LEMD2: variants seen among roughly 807,000 people sequenced by gnomAD.
LEMD2 encodes the protein LEM domain-containing protein 2.
LEMD2 carries 34 observed loss-of-function variants against 58.8 expected under a neutral mutation model. The ratio of observed to expected loss-of-function variants is 0.58; its 90% CI spans 0.44 to 0.77. LEMD2 has a LOEUF of 0.77. Ranked by LOEUF, LEMD2 falls within the 30% of genes least tolerant of loss-of-function variation. LEMD2 has a pLI of 0.00. For missense variants in LEMD2, 629 were observed against 717.9 expected, an observed-to-expected ratio of 0.88 and a Z score of 1.42; for synonymous variants, 298 against 308.9, an observed-to-expected ratio of 0.96 and a Z score of 0.37.
chr6:33,788,407 G>T lies in LEMD2; in HGVS notation c.710C>A (p.Ser237Ter). 1 of 1,584,102 alleles carries T rather than the reference G, an allele frequency of 6.3e-7. No individual in the cohort carries two copies. Among genetic ancestry groups the T allele is most frequent in the Non-Finnish European group, 8.6e-7 (1 of 1,166,284 alleles). Reference protein sequence around the residue: ...GILWVKMGKPSAPQEAEDNMK... With the variant: ...GILWVKMGKP ...GTTGTCCTCCGCCTCCTGCGGCGCT[G>T]AGGGCTTGCCCATCTTCACCCAAAG... Residue 237 changes from serine to a stop codon, truncating the protein, a stop_gained, in exon 1 of 9, where the codon TCA (serine) becomes TAA (stop). Transcript: ENST00000293760. LOFTEE classifies it high-confidence loss of function.
intron 3 of LEMD2, among the ~76,000 whole-genome samples, chr6:33,782,433 A>G (rs1216202992): frequency 3.3e-5 from 5 of 152,080 alleles, no homozygotes; most frequent in Non-Finnish European, 7.4e-5. Context: ...GGCCCAACCA[A>G]CACTTCCAAA....
Position 33,772,607 on chromosome 6 carries a change from G to A in LEMD2, c.*21C>T. On this transcript the variant is annotated 3_prime_UTR_variant, in exon 9 of 9. Transcript: ENST00000293760. ...GGCTGTCCTGGGACAGGCTGACCGGGAACAAGTCCCCGCCCGGGGCTTATC... is the reference window on the plus strand; with the variant it reads ...GGCTGTCCTGGGACAGGCTGACCGGAAACAAGTCCCCGCCCGGGGCTTATC... 1 of 1,607,852 alleles carries A rather than the reference G, an allele frequency of 6.2e-7. No individual in the cohort carries two copies. The highest frequency in any genetic ancestry group is 1.1e-5 in the South Asian group (1 of 90,012).
At position 33,778,447 on chromosome 6, in the gene LEMD2, C is replaced by A; in HGVS notation, c.1011-60G>T. Reference sequence around the variant, plus strand: ...AAGCTCCAAGGAGAGGCAGTGCAAGCCCCACTTCAAACAGGAGGAAGCGAA... The same window carrying A: ...AAGCTCCAAGGAGAGGCAGTGCAAGACCCACTTCAAACAGGAGGAAGCGAA... On this transcript the variant is annotated intron_variant, in intron 5 of 8. Transcript: ENST00000293760. The surrounding 1 kb of genome is among the most constrained non-coding windows in gnomAD (Gnocchi z 4.7). The A allele has an allele frequency of 7.4e-7, 1 of 1,356,986 alleles. No individual in the cohort carries two copies. Among genetic ancestry groups the A allele is most frequent in the Non-Finnish European group, 9.7e-7 (1 of 1,029,286 alleles). 84.1% of individuals were successfully genotyped at this position (1,356,986 alleles called of 1,614,324 possible).
intron 3 of LEMD2, 114 bp from the exon 4 acceptor site, chr6:33,781,267 G>A (rs1227720866): frequency 7.4e-6 from 5 of 675,098 alleles, no homozygotes; most frequent in Non-Finnish European, 1.3e-5. Context: ...ATGTTGCCCA[G>A]CGGCTCCTGG....
rs562220429 is a variant in LEMD2, at chr6:33,777,135, C to T, written c.1258+3G>A. On this transcript the variant is annotated splice_donor_region_variant and intron_variant, in intron 7 of 8. Coordinates refer to ENST00000293760, the MANE Select transcript of LEMD2 (RefSeq NM_181336.4). ...ACCCTTTATTCACCAGGGGGCCACG[C>T]ACCTATAATCTTCTTCACCATCTCA... 5.0e-6 allele frequency: 8 copies of T among 1,613,586 alleles called. No individual in the cohort carries two copies. The African/African-American group carries it at 8.0e-5, about 16-fold the overall frequency.
chr6:33,784,085 G>A (rs937999739), intron 3 of LEMD2, among the ~76,000 whole-genome samples: 1 of 152,254 alleles, frequency 6.6e-6, no homozygotes, highest in Non-Finnish European at 1.5e-5. Flanking sequence ...CAAGAAGGAA[G>A]AACAGCTGCA....
At chr6:33,780,556 G>A (rs146912042) in intron 4 of LEMD2, among the ~76,000 whole-genome samples, 11 of 151,640 alleles carry the variant, frequency 7.3e-5, no homozygotes, top group African/African-American at 2.7e-4. Context: ...TCTGGCCTCA[G>A]GCAAGTCCCT....
At chr6:33,773,881 G>A (rs907495236) in intron 8 of LEMD2, among the ~76,000 whole-genome samples, 1 of 152,178 alleles carries the variant, frequency 6.6e-6, no homozygotes, top group Non-Finnish European at 1.5e-5. Flanking sequence ...CTCCTGACGT[G>A]GGGAGCTTGG....
intron 2 of LEMD2, 38 bp from the exon 3 acceptor site, chr6:33,784,465 T>TGGGGGG: frequency 4.0e-5 from 1 of 24,726 alleles, no homozygotes; most frequent in South Asian, 2.3e-4. Flanking sequence ...CAAGGAGGGG[T>TGGGGGG]GGGTGGGAGG....
intron 8 of LEMD2, among the ~76,000 whole-genome samples, chr6:33,776,075 C>G (rs1767423454): frequency 6.6e-6 from 1 of 152,202 alleles, no homozygotes. Context: ...AGTCACAGCC[C>G]ATGTGGAAGG....
chr6:33,781,479 T>C, intron 3 of LEMD2: 1 of 260,844 alleles, frequency 3.8e-6, no homozygotes. Flanking sequence ...AATGGCACTA[T>C]AAATAAACAC....
intron 2 of LEMD2, 112 bp from the exon 3 acceptor site, chr6:33,784,539 T>G: frequency 1.4e-6 from 1 of 699,376 alleles, no homozygotes. Context: ...AAGGAATATC[T>G]CATACTTTTA....
chr6:33,783,821 T>A (rs1020870215), intron 3 of LEMD2, among the ~76,000 whole-genome samples: 2 of 152,174 alleles, frequency 1.3e-5, no homozygotes, highest in Non-Finnish European at 2.9e-5. Context: ...GACAGGGAGA[T>A]GAAGACCCTG....
intron 5 of LEMD2, chr6:33,779,895 C>T (rs1767524686): frequency 3.8e-6 from 2 of 525,010 alleles, no homozygotes; most frequent in South Asian, 2.6e-5. Context: ...TTTTGTGTCT[C>T]ATCTTGAAGC....
chr6:33,773,668 C>T (rs1450376332), intron 8 of LEMD2, among the ~76,000 whole-genome samples: 2 of 152,174 alleles, frequency 1.3e-5, no homozygotes, highest in African/African-American at 4.8e-5. Flanking sequence ...TTCAGCAGCC[C>T]CAACTTGGCT....
At chr6:33,784,244 C>G in intron 3 of LEMD2, 108 bp downstream of exon 3, 1 of 880,880 alleles carries the variant, frequency 1.1e-6, no homozygotes, top group Non-Finnish European at 1.9e-6. Context: ...TGAGAGACAA[C>G]CAGGGAGTGT....
intron 8 of LEMD2, 108 bp from the exon 9 acceptor site, chr6:33,772,886 G>C: frequency 1.9e-6 from 2 of 1,043,708 alleles, no homozygotes; most frequent in Non-Finnish European, 2.8e-6. Flanking sequence ...TGGAATTTAT[G>C]TAAGAGAGGA....
rs1359770471 is a variant in LEMD2 at position 33,788,511 on chromosome 6, C to G, written c.606G>C (p.Val202=). The G allele has an allele frequency of 2.0e-6, 3 of 1,531,584 alleles. No individual in the cohort carries two copies. Among genetic ancestry groups the G allele is most frequent in the East Asian group, 5.2e-5 (2 of 38,544 alleles). The allele number at this position is 1,531,584 out of a possible 1,614,324, so 94.9% of individuals were successfully genotyped here. Residue 202 remains valine, a synonymous_variant, in exon 1 of 9, where the codon GTG becomes GTC. Coordinates refer to ENST00000293760, the MANE Select transcript of LEMD2 (RefSeq NM_181336.4). ...AGAGCCAGCGCTCCAGCCGGCGCCC[C>G]ACCTCAGGCCGGGCCCTCGCCGCGC... is the stretch of plus-strand genomic sequence containing the variant. ...PAGAARARPE[V]GRRLERWLSR... is the part of the protein sequence containing the mutation.
rs1767640065 is a variant in LEMD2, at chr6:33,784,819, G to A, written c.778-392C>T. 3 of 191,698 alleles carry A rather than the reference G, an allele frequency of 1.6e-5. No individual in the cohort carries two copies. The South Asian group carries it at 3.0e-4, about 19-fold the overall frequency. 11.9% of individuals were successfully genotyped at this position (191,698 alleles called of 1,614,324 possible). On this transcript the variant is annotated intron_variant, in intron 2 of 8. Transcript: ENST00000293760. ...AGCAACTGCTGTCGGAGTTTGCAGA[G>A]ATGGGAGAGCTGGAAGAGCTAGGAG...
Sources: gnomAD v4.1 joint callset for allele counts (sites outside exome capture counted in the v4.1 genomes callset) on GRCh38, gnomAD v4.1.1 for gene constraint, Gnocchi (gnomAD v3.1) non-coding constraint, MANE v1.5 for transcripts, NCBI Gene and HGNC (gene_info 2026-07-23, HGNC 2026-07-21) for gene names.